NBAS: variants seen among roughly 807,000 people sequenced by gnomAD.
NBAS encodes the protein NBAS subunit of NRZ tethering complex, also known as NAG/BC035112 fusion.
In NBAS, 219 loss-of-function variants were observed where a neutral mutation model predicts 302.5. The ratio of observed to expected loss-of-function variants is 0.72; its 90% confidence interval spans 0.65 to 0.81. The LOEUF is 0.81. Ranked by LOEUF, NBAS falls within the 30% of genes least tolerant of loss-of-function variation. NBAS has a pLI of 0.00. For synonymous variants in NBAS, 1,118 were observed against 1,021.6 expected (o/e 1.09, Z -1.80); for missense variants, 2,932 against 2,841.6 (o/e 1.03, Z -0.72).
intron 12 of NBAS, among the ~76,000 whole-genome samples, chr2:15,485,574 T>C (rs1680589175): frequency 6.6e-6 from 1 of 152,254 alleles, no homozygotes; most frequent in Non-Finnish European, 1.5e-5. Flanking sequence ...TGCACAACCA[T>C]AGGACAAAGT....
At chr2:15,553,522 T>C (rs140807992) in intron 4 of NBAS, 49 bp from the exon 5 acceptor site, 4 of 1,496,854 alleles carry the variant, frequency 2.7e-6, no homozygotes, top group African/African-American at 2.8e-5. Flanking sequence ...TGAATATCTA[T>C]AGCAGTTTTC....
intron 21 of NBAS, among the ~76,000 whole-genome samples, chr2:15,458,224 G>T (rs1282469081): frequency 3.3e-5 from 5 of 152,136 alleles, no homozygotes; most frequent in Non-Finnish European, 7.3e-5. Context: ...AATAAAGAAA[G>T]AATTATGAGT....
At chr2:15,243,646 T>C (rs962782540) in intron 44 of NBAS, among the ~76,000 whole-genome samples, 4 of 152,002 alleles carry the variant, frequency 2.6e-5, no homozygotes, top group African/African-American at 9.7e-5. Flanking sequence ...AATAAAACTA[T>C]TATCTGTGGT....
rs182124998 is a variant in NBAS, at chr2:15,334,382, G to C, written c.4180-3617C>G. Among the ~76,000 whole-genome samples the C allele has an allele frequency of 5.4e-3, 821 of 152,130 alleles. 9 individuals are homozygous for C. The highest frequency in any genetic ancestry group is 0.018 in the African/African-American group (754 of 41,524). On this transcript the variant is annotated intron_variant, in intron 35 of 51. Coordinates refer to ENST00000281513, the MANE Select transcript of NBAS (RefSeq NM_015909.4). ...TTTTTGTATTTTTCGTAGAGATGGAGTTTCACCGTGTTAGCCAGGATGGTC... is the reference window on the plus strand; with the variant it reads ...TTTTTGTATTTTTCGTAGAGATGGACTTTCACCGTGTTAGCCAGGATGGTC...
chr2:15,224,297 A>C (rs2147902919), intron 47 of NBAS, among the ~76,000 whole-genome samples: 1 of 152,378 alleles, frequency 6.6e-6, no homozygotes, highest in East Asian at 1.9e-4. Context: ...TAAGAATATA[A>C]ATAAGCGAAT....
At chr2:15,094,750 C>A in the NBAS span, among the ~76,000 whole-genome samples, 1 of 152,138 alleles carries the variant, frequency 6.6e-6, no homozygotes, top group Non-Finnish European at 1.5e-5. Context: ...ATGCTCCCGC[C>A]GGCCCTTTGC....
chr2:14,964,466 A>C, the NBAS span, among the ~76,000 whole-genome samples: 1 of 152,162 alleles, frequency 6.6e-6, no homozygotes, highest in African/African-American at 2.4e-5. Context: ...ACAGAGCAAA[A>C]AAGGATCAAT....
the NBAS span, among the ~76,000 whole-genome samples, chr2:15,002,903 C>G: frequency 6.6e-6 from 1 of 152,264 alleles, no homozygotes; most frequent in Non-Finnish European, 1.5e-5. Context: ...CCCCTGTTCC[C>G]GCTGGCGCCT....
intron 8 of NBAS, among the ~76,000 whole-genome samples, chr2:15,535,161 C>T (rs4668451): frequency 0.64 from 96,970 of 152,058 alleles, 31,650 homozygotes; most frequent in Non-Finnish European, 0.68. Flanking sequence ...CTAGGCATCC[C>T]TGGGGAACTG....
intron 51 of NBAS, among the ~76,000 whole-genome samples, chr2:15,169,024 C>A (rs1222044593): frequency 6.6e-6 from 1 of 152,202 alleles, no homozygotes; most frequent in African/African-American, 2.4e-5. Flanking sequence ...CTCCCCATTT[C>A]ATTAACATTT....
At chr2:15,182,233 A>G (rs1664861389) in intron 50 of NBAS, among the ~76,000 whole-genome samples, 1 of 152,212 alleles carries the variant, frequency 6.6e-6, no homozygotes, top group Non-Finnish European at 1.5e-5. Flanking sequence ...GATCTCTACC[A>G]GCAAGGCAGC....
In NBAS at chr2:15,412,825, CA is replaced by C. The variant is rs374179708; in HGVS notation, c.2937+2720del. ...TTTGCCTGATAACAGGTAACTATCA[CA>C]AAAAAATTTTCCAAACCACCGTTGA... On this transcript the variant is annotated intron_variant, in intron 25 of 51. Transcript: ENST00000281513. Among the ~76,000 whole-genome samples, 1,023 of 150,918 alleles carry C rather than the reference CA, an allele frequency of 6.8e-3. 12 individuals carry two copies. The highest frequency in any genetic ancestry group is 0.023 in the African/African-American group (924 of 41,042).
rs892817403 is a variant in NBAS, at chr2:15,436,590, A to G, written c.2340-8796T>C. Among the ~76,000 whole-genome samples the G allele has an allele frequency of 2.0e-5, 3 of 152,230 alleles. No individual in the cohort carries two copies. The East Asian group carries it at 5.8e-4, about 29-fold the overall frequency. On this transcript the variant is annotated intron_variant, in intron 21 of 51. Coordinates refer to ENST00000281513, the MANE Select transcript of NBAS (RefSeq NM_015909.4). ...TGGCACGTTAACCTCATCTAAATGG[A>G]TAGAAAGGTAGCACGATTCACAGCA...
At chr2:14,781,746 C>CAAAAAA in the NBAS span, among the ~76,000 whole-genome samples, 48 of 135,880 alleles carry the variant, frequency 3.5e-4, 1 homozygote, top group East Asian at 6.8e-4. Flanking sequence ...GCTATTGTGA[C>CAAAAAA]AAAAAAAAAA....
chr2:15,409,989 G>A (rs2148447559), intron 25 of NBAS, among the ~76,000 whole-genome samples: 1 of 152,254 alleles, frequency 6.6e-6, no homozygotes, highest in East Asian at 1.9e-4. Context: ...ACAAATTCAT[G>A]TTAGGCAAGC....
chr2:15,466,402 T>G (rs189258642), intron 19 of NBAS, among the ~76,000 whole-genome samples: 2 of 152,062 alleles, frequency 1.3e-5, no homozygotes. Context: ...GCTATAAGAG[T>G]CATGTGAAAA....
At chr2:14,846,229 A>G in the NBAS span, among the ~76,000 whole-genome samples, 1 of 152,190 alleles carries the variant, frequency 6.6e-6, no homozygotes, top group African/African-American at 2.4e-5. Flanking sequence ...TGGAAACTTC[A>G]CAGGCCAGGA....
intron 26 of NBAS, 62 bp downstream of exon 26, chr2:15,402,106 G>T: frequency 6.3e-7 from 1 of 1,591,170 alleles, no homozygotes; most frequent in Non-Finnish European, 8.6e-7. Flanking sequence ...GGGAAGCAAC[G>T]TTTTTGTTTT....
chr2:15,162,146 C>CTTTGCTGGGTTT (rs1663914257), downstream of NBAS, among the ~76,000 whole-genome samples: 1 of 150,988 alleles, frequency 6.6e-6, no homozygotes, highest in South Asian at 2.1e-4. Flanking sequence ...AGCTCTCAAA[C>CTTTGCTGGGTTT]CCAGACCCCT....
Sources: gnomAD v4.1 joint callset for allele counts (sites outside exome capture counted in the v4.1 genomes callset) on GRCh38, gnomAD v4.1.1 for gene constraint, MANE v1.5 for transcripts, NCBI Gene and HGNC (gene_info 2026-07-23, HGNC 2026-07-21) for gene names.